C2orf74: variants seen among roughly 807,000 people sequenced by gnomAD.
C2orf74 encodes the protein uncharacterized protein C2orf74.
C2orf74 carries 14 observed loss-of-function variants against 17.9 expected under a neutral mutation model. The ratio of observed to expected loss-of-function variants is 0.78; its 90% CI spans 0.52 to 1.22. The LOEUF (loss-of-function observed/expected upper bound fraction) is 1.22. Ranked by LOEUF, C2orf74 falls within the 50% of genes most tolerant of loss-of-function variation. The pLI, the probability that C2orf74 is intolerant of heterozygous loss-of-function variation, is 0.00. For missense variants in C2orf74, 217 were observed against 218.4 expected (o/e 0.99, Z 0.04); for synonymous variants, 79 against 72.6 (o/e 1.09, Z -0.44).
At chr2:61,164,069 G>A (rs1685655504) in intron 4 of C2orf74, among the ~76,000 whole-genome samples, 1 of 152,064 alleles carries the variant, frequency 6.6e-6, no homozygotes, top group African/African-American at 2.4e-5. Flanking sequence ...CCACCCCATG[G>A]CCATGCCCGG....
chr2:61,146,736 A>T (rs1027428754), intron 1 of C2orf74, among the ~76,000 whole-genome samples: 1 of 152,126 alleles, frequency 6.6e-6, no homozygotes, highest in Non-Finnish European at 1.5e-5. Flanking sequence ...CAGGAGGCTG[A>T]GGCAGGAGAA....
chr2:61,145,378 C>T (rs1038761522), intron 1 of C2orf74, among the ~76,000 whole-genome samples: 1 of 152,086 alleles, frequency 6.6e-6, no homozygotes, highest in Admixed American at 6.6e-5. Context: ...TAAAAATAGA[C>T]TTTAAATATA....
intron 1 of C2orf74, among the ~76,000 whole-genome samples, chr2:61,155,834 GT>G (rs34469347): frequency 0.63 from 95,256 of 151,380 alleles, 30,312 homozygotes; most frequent in African/African-American, 0.73. Context: ...AAATCAAGGT[GT>G]TTTTTTTAAA....
chr2:61,153,662 G>A (rs1384234533), intron 1 of C2orf74, among the ~76,000 whole-genome samples: 4 of 150,290 alleles, frequency 2.7e-5, no homozygotes, highest in African/African-American at 9.7e-5. Flanking sequence ...GCCGAGGTGG[G>A]CAGATCACCT....
At chr2:61,162,747 A>C (rs1348791235) in intron 2 of C2orf74, 95 bp from the exon 3 acceptor site, 1 of 1,129,424 alleles carries the variant, frequency 8.9e-7, no homozygotes, top group Non-Finnish European at 1.3e-6. Flanking sequence ...CATTTTAGAA[A>C]TGCTGATATC....
In C2orf74 at chr2:61,162,211, G is replaced by C; in HGVS notation, c.-209G>C. 1 of 380,714 alleles carries C rather than the reference G, an allele frequency of 2.6e-6. No individual in the cohort carries two copies. 23.6% of individuals were successfully genotyped at this position (380,714 alleles called of 1,614,324 possible). A position where few individuals can be genotyped will look rare whatever the true frequency, so the allele number is the denominator to read the frequency against. On this transcript the variant is annotated 5_prime_UTR_variant, in exon 1 of 5. Coordinates refer to ENST00000432605, the MANE Select transcript of C2orf74 (RefSeq NM_001143959.4). ...CCGATTCCTCTCTCCTCTGGGTCCT[G>C]ATAGTTTTTGGGGTGAGGGAGGTGA...
chr2:61,147,272 C>T (rs1176804995), intron 1 of C2orf74, among the ~76,000 whole-genome samples: 2 of 151,162 alleles, frequency 1.3e-5, no homozygotes, highest in Non-Finnish European at 1.5e-5. Context: ...TGCACAATGG[C>T]GCCATCACAA....
chr2:61,153,900 A>AGAAG (rs1553441805), intron 1 of C2orf74, among the ~76,000 whole-genome samples: 1 of 149,466 alleles, frequency 6.7e-6, no homozygotes, highest in African/African-American at 2.4e-5. Flanking sequence ...AAAAAAAAGA[A>AGAAG]AAAGAAAGAA....
intron 1 of C2orf74, among the ~76,000 whole-genome samples, chr2:61,156,869 G>C (rs574280612): frequency 1.3e-5 from 2 of 152,262 alleles, no homozygotes; most frequent in South Asian, 4.1e-4. Flanking sequence ...GACAAAGTGA[G>C]ACCCTGTCTC....
At chr2:61,153,390 C>T (rs1305960639) in intron 1 of C2orf74, among the ~76,000 whole-genome samples, 1 of 151,296 alleles carries the variant, frequency 6.6e-6, no homozygotes, top group Non-Finnish European at 1.5e-5. Flanking sequence ...ATGCCATTCT[C>T]CTGCCTCAGC....
chr2:61,150,929 TTTCATA>T (rs1369341834), intron 1 of C2orf74, among the ~76,000 whole-genome samples: 2 of 152,050 alleles, frequency 1.3e-5, no homozygotes, highest in African/African-American at 4.8e-5. Context: ...GATTGGTTAG[TTTCATA>T]TCAAAGGGAT....
intron 1 of C2orf74, among the ~76,000 whole-genome samples, chr2:61,155,737 G>T (rs1388706823): frequency 1.3e-5 from 2 of 151,968 alleles, no homozygotes; most frequent in Non-Finnish European, 1.5e-5. Context: ...AGCCAGGATG[G>T]TCTCAATCTC....
At chr2:61,154,127 G>C (rs949379194) in intron 1 of C2orf74, among the ~76,000 whole-genome samples, 1 of 147,992 alleles carries the variant, frequency 6.8e-6, no homozygotes, top group Non-Finnish European at 1.5e-5. Flanking sequence ...TAATCCAGTC[G>C]GGAGGCTGAG....
At chr2:61,154,739 C>T (rs1039501831) in intron 1 of C2orf74, among the ~76,000 whole-genome samples, 2 of 152,072 alleles carry the variant, frequency 1.3e-5, no homozygotes, top group African/African-American at 4.8e-5. Context: ...GGGCCATGAA[C>T]ATTTTTACTG....
Position 61,163,111 on chromosome 2 carries a change from G to GACAGAGTAA in C2orf74, c.270_278dup (p.Gln91_Lys93dup), listed in dbSNP as rs1344319621. On this transcript the variant is annotated inframe_insertion, in exon 4 of 5. Transcript: ENST00000432605. ...ATGAGGCCTGGCATTCTTGTCCAGA[G>GACAGAGTAA]ACAGAGTAAGGAAGTGTTGGCCACA... 1.3e-6 allele frequency: 2 copies of GACAGAGTAA among 1,552,188 alleles called. No individual in the cohort carries two copies. The highest frequency in any genetic ancestry group is 3.9e-5 in the Admixed American group (2 of 51,006).
chr2:61,154,718 T>TGG (rs1365928549), intron 1 of C2orf74, among the ~76,000 whole-genome samples: 1 of 152,104 alleles, frequency 6.6e-6, no homozygotes, highest in Admixed American at 6.6e-5. Flanking sequence ...GAGCACTAGG[T>TGG]TACCAATCAT....
chr2:61,154,938 G>A (rs970889911), intron 1 of C2orf74, among the ~76,000 whole-genome samples: 3 of 151,858 alleles, frequency 2.0e-5, no homozygotes, highest in African/African-American at 2.4e-5. Context: ...GGTGGTGCAC[G>A]CCTGTAATCC....
At chr2:61,147,502 C>A (rs1409545169) in intron 1 of C2orf74, among the ~76,000 whole-genome samples, 1 of 152,188 alleles carries the variant, frequency 6.6e-6, no homozygotes, top group African/African-American at 2.4e-5. Flanking sequence ...CTCACCAGTT[C>A]TTAGAATTGA....
intron 1 of C2orf74, among the ~76,000 whole-genome samples, chr2:61,152,767 G>T (rs1224238103): frequency 6.9e-6 from 1 of 145,062 alleles, no homozygotes; most frequent in East Asian, 2.1e-4. Context: ...AGAATCGCTT[G>T]AACCTGGGAG....
Sources: gnomAD v4.1 joint callset for allele counts (sites outside exome capture counted in the v4.1 genomes callset) on GRCh38, gnomAD v4.1.1 for gene constraint, MANE v1.5 for transcripts, NCBI Gene and HGNC (gene_info 2026-07-23, HGNC 2026-07-21) for gene names.